Variants in ANKS1B observed in about 807,000 individuals in gnomAD.
ANKS1B encodes ankyrin repeat and sterile alpha motif domain-containing protein 1B.
Under a neutral mutation model 148.3 loss-of-function variants are expected in ANKS1B, and 36 were observed. The observed-to-expected ratio is 0.24, with a 90% CI of 0.19 to 0.32. The LOEUF is 0.32. ANKS1B is among the 10% of genes least tolerant of loss of function. The probability of loss-of-function intolerance (pLI) is 1.00; values close to 1 mark genes in which losing one functional copy is unlikely to be tolerated. For synonymous variants in ANKS1B, 542 were observed against 560.8 expected (o/e 0.97, Z 0.47); for missense variants, 1,157 against 1,542.6 (o/e 0.75, Z 4.19).
At chr12:99,217,723 TAGA>T (rs1360926459) in intron 14 of ANKS1B, among the ~76,000 whole-genome samples, 1 of 152,158 alleles carries the variant, frequency 6.6e-6, no homozygotes, top group African/African-American at 2.4e-5. Context: ...CTGAAATAAC[TAGA>T]AGAAGCTTGC....
chr12:99,797,473 G>C (rs759561845), intron 4 of ANKS1B, among the ~76,000 whole-genome samples: 5 of 151,728 alleles, frequency 3.3e-5, no homozygotes, highest in Non-Finnish European at 7.4e-5. Context: ...TGAACCCAAA[G>C]GCTCCCATCC....
intron 14 of ANKS1B, among the ~76,000 whole-genome samples, chr12:99,240,229 C>A (rs1031936961): frequency 2.6e-5 from 4 of 152,004 alleles, no homozygotes; most frequent in South Asian, 2.1e-4. Flanking sequence ...ATCTACCAAG[C>A]AAATGGAAAA....
chr12:99,705,266 A>G (rs535074258), intron 8 of ANKS1B, among the ~76,000 whole-genome samples: 26 of 152,142 alleles, frequency 1.7e-4, no homozygotes, highest in Non-Finnish European at 3.1e-4. Context: ...ACAGTTCTCT[A>G]AACTAATCAC....
At chr12:99,294,540 G>T (rs939290137) in intron 12 of ANKS1B, among the ~76,000 whole-genome samples, 12 of 152,110 alleles carry the variant, frequency 7.9e-5, no homozygotes, top group African/African-American at 2.4e-5. Context: ...AGAGTAGTGG[G>T]GGCAGGAGGA....
At chr12:99,210,492 A>G (rs1380501442) in intron 14 of ANKS1B, among the ~76,000 whole-genome samples, 1 of 152,160 alleles carries the variant, frequency 6.6e-6, no homozygotes, top group African/African-American at 2.4e-5. Context: ...TCTTTACAAA[A>G]CCTAAGGGAT....
intron 12 of ANKS1B, among the ~76,000 whole-genome samples, chr12:99,331,605 T>C (rs376004989): frequency 3.5e-4 from 54 of 152,132 alleles, no homozygotes; most frequent in African/African-American, 1.2e-3. Context: ...TCTGTACTTA[T>C]CGATCACAGC....
At chr12:99,838,249 T>C (rs2085159584) in intron 1 of ANKS1B, among the ~76,000 whole-genome samples, 3 of 152,310 alleles carry the variant, frequency 2.0e-5, no homozygotes, top group South Asian at 4.1e-4. Context: ...TGCAAGTATC[T>C]TTTTGCTACA....
chr12:99,839,118 A>G (rs1248410471), intron 1 of ANKS1B, among the ~76,000 whole-genome samples: 1 of 152,148 alleles, frequency 6.6e-6, no homozygotes, highest in East Asian at 1.9e-4. Context: ...GCATGTGCCT[A>G]TAGTCCCAGT....
intron 12 of ANKS1B, among the ~76,000 whole-genome samples, chr12:99,326,338 T>G (rs1272215743): frequency 6.6e-6 from 1 of 152,008 alleles, no homozygotes; most frequent in African/African-American, 2.4e-5. Flanking sequence ...TTGAGAAAGG[T>G]AGCCAAAGCA....
chr12:99,290,778 T>C (rs2079856256), intron 12 of ANKS1B, among the ~76,000 whole-genome samples: 1 of 152,064 alleles, frequency 6.6e-6, no homozygotes, highest in African/African-American at 2.4e-5. Flanking sequence ...TACTTTAACA[T>C]AATAAAAGCT....
chr12:99,752,087 A>G lies in ANKS1B; in HGVS notation c.1128+20835T>C, dbSNP rs554242602. 3.3e-4 allele frequency among the ~76,000 whole-genome samples: 50 copies of G among 152,038 alleles called. 1 individual carries two copies. The highest frequency in any genetic ancestry group is 1.2e-3 in the African/African-American group (50 of 41,516). ...AGGAGCAAGTTCATGACATGCCTTC[A>G]TTTTCCCTATTCCATAATCAGATGA... On this transcript the variant is annotated intron_variant, in intron 8 of 26. Coordinates refer to ENST00000683438, the MANE Select transcript of ANKS1B (RefSeq NM_001352186.2).
intron 1 of ANKS1B, among the ~76,000 whole-genome samples, chr12:99,890,584 T>A (rs1336071968): frequency 2.4e-5 from 2 of 82,292 alleles, no homozygotes; most frequent in Non-Finnish European, 6.1e-5. Context: ...TGTGTGTGTG[T>A]GTGTGTGTGT....
At chr12:99,980,912 T>C (rs1039882819) in intron 1 of ANKS1B, among the ~76,000 whole-genome samples, 2 of 151,962 alleles carry the variant, frequency 1.3e-5, no homozygotes, top group Non-Finnish European at 2.9e-5. Context: ...AAAAATAGAA[T>C]GAATCTAGTC....
intron 9 of ANKS1B, among the ~76,000 whole-genome samples, chr12:99,653,385 A>T (rs2098434506): frequency 6.6e-6 from 1 of 152,194 alleles, no homozygotes. Flanking sequence ...ATGCAGTTTT[A>T]TGAGGGGAAA....
chr12:99,086,980 A>T (rs1313303221), intron 15 of ANKS1B, among the ~76,000 whole-genome samples: 1 of 152,196 alleles, frequency 6.6e-6, no homozygotes, highest in East Asian at 1.9e-4. Context: ...CGCTGTGGGC[A>T]TAGACTAACG....
At chr12:99,516,740 T>A (rs1370475785) in intron 9 of ANKS1B, among the ~76,000 whole-genome samples, 1 of 151,916 alleles carries the variant, frequency 6.6e-6, no homozygotes, top group African/African-American at 2.4e-5. Flanking sequence ...TCCTGGAATT[T>A]AAAATAAAAT....
chr12:98,927,368 G>T (rs760930211), intron 17 of ANKS1B, among the ~76,000 whole-genome samples: 1 of 152,048 alleles, frequency 6.6e-6, no homozygotes, highest in African/African-American at 2.4e-5. Context: ...CGGGGGAAAT[G>T]AAAGGATGCT....
At chr12:98,916,267 T>A (rs1436740497) in intron 17 of ANKS1B, among the ~76,000 whole-genome samples, 1 of 152,266 alleles carries the variant, frequency 6.6e-6, no homozygotes, top group East Asian at 1.9e-4. Flanking sequence ...GTCACGATGA[T>A]GTCACAGCGG....
chr12:99,957,973 A>T (rs1453897446), intron 1 of ANKS1B, among the ~76,000 whole-genome samples: 5 of 152,236 alleles, frequency 3.3e-5, no homozygotes, highest in Non-Finnish European at 7.3e-5. Flanking sequence ...CTCATTGTCT[A>T]GTGGGAAGGC....
Sources: gnomAD v4.1 joint callset for allele counts (sites outside exome capture counted in the v4.1 genomes callset) on GRCh38, gnomAD v4.1.1 for gene constraint, MANE v1.5 for transcripts, NCBI Gene and HGNC (gene_info 2026-07-23, HGNC 2026-07-21) for gene names.